VWF: variants seen among roughly 807,000 people sequenced by gnomAD.
The protein encoded by VWF is Factor VIII related antigen.
VWF carries 176 observed loss-of-function variants against 308.6 expected under a neutral mutation model. The observed-to-expected ratio is 0.57, with a 90% confidence interval of 0.50 to 0.65. VWF has a LOEUF of 0.65. VWF is among the 30% of genes least tolerant of loss of function. VWF has a pLI of 0.00. For missense variants in VWF, 3,146 were observed against 3,648.2 expected (o/e 0.86, Z 3.55); for synonymous variants, 1,385 against 1,443.4 (o/e 0.96, Z 0.92).
intron 3 of VWF, 105 bp downstream of exon 3, chr12:6,121,069 C>T (rs1945425809): frequency 6.6e-7 from 1 of 1,507,186 alleles, no homozygotes; most frequent in African/African-American, 1.4e-5. Flanking sequence ...CAGCAGTGAC[C>T]TTTCCGCTCA....
At position 6,014,715 on chromosome 12, in the gene VWF, G is replaced by A. The variant is rs144602217; in HGVS notation, c.5456-1070C>T. Among the ~76,000 whole-genome samples the A allele has an allele frequency of 2.6e-4, 40 of 152,270 alleles. No homozygotes were observed. In the East Asian group the frequency reaches 2.7e-3, roughly 10 times the overall value. ...TGAGTTGAGGTGAGGCTGGAGATACGAATTTCAAAGTCAAAGATGTATAAA... is the reference window on the plus strand; with the variant it reads ...TGAGTTGAGGTGAGGCTGGAGATACAAATTTCAAAGTCAAAGATGTATAAA... On this transcript the variant is annotated intron_variant, in intron 31 of 51. Coordinates refer to ENST00000261405, the MANE Select transcript of VWF (RefSeq NM_000552.5).
At chr12:6,048,609 C>T (rs561385709) in intron 16 of VWF, among the ~76,000 whole-genome samples, 2 of 152,260 alleles carry the variant, frequency 1.3e-5, no homozygotes, top group South Asian at 2.1e-4. Flanking sequence ...ATTACAGGCA[C>T]ACATCACCAT....
chr12:5,993,060 G>C (rs536269433), intron 37 of VWF, among the ~76,000 whole-genome samples: 116 of 152,282 alleles, frequency 7.6e-4, no homozygotes, highest in Non-Finnish European at 1.2e-3. Flanking sequence ...TCCACCAGCT[G>C]AGCTGGGACT....
At chr12:5,956,345 GTTA>G in intron 47 of VWF, among the ~76,000 whole-genome samples, 1 of 152,330 alleles carries the variant, frequency 6.6e-6, no homozygotes, top group Non-Finnish European at 1.5e-5. Context: ...AGAAGGCATT[GTTA>G]TCACAGAAGA....
At chr12:5,972,502 A>G (rs1235382653) in intron 43 of VWF, among the ~76,000 whole-genome samples, 2 of 152,200 alleles carry the variant, frequency 1.3e-5, no homozygotes, top group Non-Finnish European at 2.9e-5. Context: ...GAGAAAGAGT[A>G]ACCACAGCTG....
intron 3 of VWF, among the ~76,000 whole-genome samples, chr12:6,114,297 A>C (rs575355997): frequency 3.9e-5 from 6 of 152,232 alleles, no homozygotes; most frequent in Admixed American, 2.0e-4. Flanking sequence ...GTGGCTGCTG[A>C]TCTACAGCTC....
At chr12:5,961,962 T>TA (rs35115059) in intron 47 of VWF, among the ~76,000 whole-genome samples, 23,307 of 145,468 alleles carry the variant, frequency 0.16, 1,827 homozygotes, top group East Asian at 0.18. Flanking sequence ...TGCTGTTATT[T>TA]AAAAAAAAAA....
chr12:6,034,751 G>T lies in VWF; in HGVS notation c.2622C>A (p.His874Gln). The T allele has an allele frequency of 6.2e-7, 1 of 1,614,248 alleles. No homozygotes were observed. The highest frequency in any genetic ancestry group is 8.5e-7 in the Non-Finnish European group (1 of 1,180,050). The stretch of plus-strand genomic sequence containing the variant: ...ATTTGAGCCCGTCGAAGGTGAGGTA[G>T]TGGGCCATGCCGATCGTGGAGCACG... ...DATCSTIGMA[H>Q]YLTFDGLKYL... Residue 874 changes from histidine to glutamine, a missense_variant, in exon 20 of 52, where the codon CAC (histidine) becomes CAA (glutamine). Coordinates refer to ENST00000261405, the MANE Select transcript of VWF (RefSeq NM_000552.5).
chr12:5,979,767 C>T (rs1418932650), intron 42 of VWF, among the ~76,000 whole-genome samples: 1 of 150,044 alleles, frequency 6.7e-6, no homozygotes, highest in African/African-American at 2.5e-5. Context: ...CGAGGCCAGG[C>T]ACGGTGGTTC....
In VWF at chr12:5,968,137, G is replaced by A. The variant is rs1943425555; in HGVS notation, c.7760C>T (p.Thr2587Ile). ...ERMEACMLNG[T>I]VIGPGKTVMI... ...AGGACAGCGGCTCACCCCAATGACA[G>A]TGCCATTGAGCATGCAGGCCTCCAT... is the stretch of plus-strand genomic sequence containing the variant. Residue 2587 changes from threonine (T) to isoleucine (I), a missense_variant, in exon 46 of 52, where the codon ACT becomes ATT. This residue lies in a region of VWF where 989 missense variants were observed against 1,117.4 expected (regional missense o/e 0.89). Transcript: ENST00000261405. 1 of 1,613,998 alleles carries A rather than the reference G, an allele frequency of 6.2e-7. No individual in the cohort carries two copies. The highest frequency in any genetic ancestry group is 8.5e-7 in the Non-Finnish European group (1 of 1,180,018).
rs182646782 is a variant in VWF, at chr12:6,108,757, A to G, written c.532+1617T>C. 3.8e-3 allele frequency among the ~76,000 whole-genome samples: 576 copies of G among 152,156 alleles called. 6 individuals carry two copies. The highest frequency in any genetic ancestry group is 0.013 in the African/African-American group (526 of 41,528). ...AGCACTTTGGGAGGCCGAGGGGGGC[A>G]GATCACGAGGTCAGGAGTTGGAGAC... is the stretch of plus-strand genomic sequence containing the variant. On this transcript the variant is annotated intron_variant, in intron 5 of 51. Transcript: ENST00000261405.
At chr12:6,080,618 AG>A (rs1944898685) in intron 6 of VWF, among the ~76,000 whole-genome samples, 1 of 152,220 alleles carries the variant, frequency 6.6e-6, no homozygotes, top group Non-Finnish European at 1.5e-5. Context: ...ACCACGGCTG[AG>A]CCGAGCACTA....
chr12:5,964,290 A>ACATACATGCATACATACATACATACATG (rs1565811260), intron 47 of VWF, among the ~76,000 whole-genome samples: 3 of 151,584 alleles, frequency 2.0e-5, no homozygotes, highest in Non-Finnish European at 3.0e-5. Flanking sequence ...ATACATGCAT[A>ACATACATGCATACATACATACATACATG]CATACATACA....
Position 6,046,615 on chromosome 12 carries a change from G to T in VWF, c.2281+108C>A. 1 of 1,125,978 alleles carries T rather than the reference G, an allele frequency of 8.9e-7. No homozygotes were observed. The highest frequency in any genetic ancestry group is 1.3e-6 in the Non-Finnish European group (1 of 743,532). The allele number at this position is 1,125,978 out of a possible 1,614,324, so 69.7% of individuals were successfully genotyped here. A position where few individuals can be genotyped will look rare whatever the true frequency, so the allele number is the denominator to read the frequency against. ...CTGGGCGAAGCCAGACCCATGCCTG[G>T]GTGCACACGCACATCTGACGGTGTC... On this transcript the variant is annotated intron_variant, in intron 17 of 51. Coordinates refer to ENST00000261405, the MANE Select transcript of VWF (RefSeq NM_000552.5). The surrounding 1 kb of genome is among the most constrained non-coding windows in gnomAD (Gnocchi z 5.0).
chr12:5,955,510 T>G (rs1049340957), intron 47 of VWF, among the ~76,000 whole-genome samples: 2 of 152,178 alleles, frequency 1.3e-5, no homozygotes, highest in Non-Finnish European at 2.9e-5. Flanking sequence ...GAATGATGAT[T>G]TCCAGTTTCA....
At chr12:6,033,761 T>C (rs2136429646) in intron 20 of VWF, among the ~76,000 whole-genome samples, 1 of 152,174 alleles carries the variant, frequency 6.6e-6, no homozygotes, top group East Asian at 1.9e-4. Flanking sequence ...GAGTGGTCGG[T>C]CCACAGTCAC....
chr12:5,985,931 A>G (rs556035882), intron 38 of VWF, among the ~76,000 whole-genome samples: 1 of 152,364 alleles, frequency 6.6e-6, no homozygotes, highest in South Asian at 2.1e-4. Flanking sequence ...AAAACCAAGC[A>G]AAGAAAGAAA....
At chr12:6,034,204 C>G (rs553822228) in intron 20 of VWF, among the ~76,000 whole-genome samples, 1 of 152,318 alleles carries the variant, frequency 6.6e-6, no homozygotes, top group South Asian at 2.1e-4. Flanking sequence ...GGGAAGCAAA[C>G]TCCAGGGGTC....
Position 6,064,306 on chromosome 12 carries a change from G to C in VWF, c.1372C>G (p.Leu458Val). 1 of 1,614,136 alleles carries C rather than the reference G, an allele frequency of 6.2e-7. No individual in the cohort carries two copies. Among genetic ancestry groups the C allele is most frequent in the East Asian group, 2.2e-5 (1 of 44,868 alleles). Residue 458 changes from leucine to valine, a missense_variant, in exon 12 of 52, where the codon CTG becomes GTG. Around this residue, in one of 3 missense-constraint regions of VWF, gnomAD observed 1,304 missense variants for 1,353.0 expected, o/e 0.96. Coordinates refer to ENST00000261405, the MANE Select transcript of VWF (RefSeq NM_000552.5). The stretch of plus-strand genomic sequence containing the variant: ...ATGGCAACTCCTGCCCCATGCTTCA[G>C]TTTCACAAGGCTGTTGTGCAGGCCA... Reference protein sequence around the residue: ...LPGLHNSLVKLKHGAGVAMDG... With the variant: ...LPGLHNSLVKVKHGAGVAMDG...
Sources: allele counts gnomAD v4.1 joint callset (sites outside exome capture counted in the v4.1 genomes callset), GRCh38; gene constraint gnomAD v4.1.1; regional missense constraint gnomAD v4.1.1; non-coding constraint Gnocchi (gnomAD v3.1); transcripts MANE v1.5; gene names NCBI Gene and HGNC (gene_info 2026-07-23, HGNC 2026-07-21).